Variants in CDH18 observed in about 807,000 individuals in gnomAD.
The protein encoded by CDH18 is cadherin-18.
Under a neutral mutation model 67.9 loss-of-function variants are expected in CDH18, and 31 were observed. That is an observed-to-expected ratio of 0.46 (90% confidence interval 0.34 to 0.62). The LOEUF (loss-of-function observed/expected upper bound fraction) is 0.62, where lower values mean the gene tolerates loss of function less well. Ranked by LOEUF, CDH18 falls within the 20% of genes least tolerant of loss-of-function variation. CDH18 has a pLI of 0.01. For missense variants in CDH18, 890 were observed against 975.5 expected, an observed-to-expected ratio of 0.91 and a Z score of 1.17; for synonymous variants, 362 against 347.2, an observed-to-expected ratio of 1.04 and a Z score of -0.48.
chr5:20,553,765 T>C (rs1757765510), intron 1 of CDH18, among the ~76,000 whole-genome samples: 1 of 152,130 alleles, frequency 6.6e-6, no homozygotes, highest in Non-Finnish European at 1.5e-5. Flanking sequence ...ACACTTGAAA[T>C]GAAAAAATTA....
intron 1 of CDH18, among the ~76,000 whole-genome samples, chr5:20,412,710 C>A (rs1383476466): frequency 6.6e-6 from 1 of 152,138 alleles, no homozygotes; most frequent in African/African-American, 2.4e-5. Flanking sequence ...AAGACGTACA[C>A]ACCAACAAAC....
chr5:19,764,395 C>A (rs544653798), intron 3 of CDH18, among the ~76,000 whole-genome samples: 1 of 151,434 alleles, frequency 6.6e-6, no homozygotes, highest in Admixed American at 6.6e-5. Context: ...TGTCAAAATA[C>A]GATATAATGT....
At chr5:20,273,635 C>A (rs1303632210) in intron 1 of CDH18, among the ~76,000 whole-genome samples, 1 of 151,758 alleles carries the variant, frequency 6.6e-6, no homozygotes, top group Non-Finnish European at 1.5e-5. Context: ...ACAAAAAATT[C>A]AAACTAAAAA....
intron 2 of CDH18, among the ~76,000 whole-genome samples, chr5:20,212,607 G>A (rs371200571): frequency 2.0e-5 from 3 of 151,906 alleles, no homozygotes; most frequent in Admixed American, 6.6e-5. Context: ...CCAGAAGAGC[G>A]TGGGGGCCAA....
chr5:19,684,133 A>G (rs919581272), intron 5 of CDH18, among the ~76,000 whole-genome samples: 1 of 152,074 alleles, frequency 6.6e-6, no homozygotes, highest in African/African-American at 2.4e-5. Flanking sequence ...TTTCCCATCC[A>G]GCTGAGAAAT....
At chr5:20,319,668 T>C (rs1031196371) in intron 1 of CDH18, among the ~76,000 whole-genome samples, 1 of 152,166 alleles carries the variant, frequency 6.6e-6, no homozygotes, top group Non-Finnish European at 1.5e-5. Flanking sequence ...AAATTTGAGG[T>C]ACATGTAGCT....
At chr5:20,178,641 C>T (rs1180890812) in intron 2 of CDH18, among the ~76,000 whole-genome samples, 1 of 150,866 alleles carries the variant, frequency 6.6e-6, no homozygotes, top group Non-Finnish European at 1.5e-5. Flanking sequence ...TCTCACACAC[C>T]AGGTGGCAAA....
chr5:19,530,897 C>T (rs963180127), intron 9 of CDH18, among the ~76,000 whole-genome samples: 11 of 152,164 alleles, frequency 7.2e-5, no homozygotes, highest in Middle Eastern at 3.2e-3. Context: ...TATACCCTTG[C>T]GCTTCTCGAG....
intron 12 of CDH18, among the ~76,000 whole-genome samples, chr5:19,482,884 T>C (rs1331797220): frequency 2.6e-5 from 4 of 152,158 alleles, no homozygotes; most frequent in Non-Finnish European, 5.9e-5. Context: ...TAAGGCCATA[T>C]GACCCTCACC....
At chr5:19,572,633 T>C (rs1052628520) in intron 7 of CDH18, among the ~76,000 whole-genome samples, 1 of 152,150 alleles carries the variant, frequency 6.6e-6, no homozygotes, top group African/African-American at 2.4e-5. Context: ...ACTTGCTGTA[T>C]CCTCACACAA....
intron 1 of CDH18, among the ~76,000 whole-genome samples, chr5:20,291,985 T>C (rs1428870368): frequency 1.3e-5 from 2 of 152,150 alleles, no homozygotes; most frequent in Non-Finnish European, 2.9e-5. Context: ...CTCTCCTCTG[T>C]CATGTCATCA....
At position 19,900,843 on chromosome 5, in the gene CDH18, T is replaced by A. The variant is rs187920289; in HGVS notation, c.-256-61601A>T. On this transcript the variant is annotated intron_variant, in intron 2 of 12. Coordinates refer to ENST00000382275, the MANE Select transcript of CDH18 (RefSeq NM_004934.5). ...TAAGCTATTATGTTTTCAGTGGAAA[T>A]CTGCCTTTTTATCCTCTTTGAATAA... 2.8e-3 allele frequency among the ~76,000 whole-genome samples: 429 copies of A among 152,290 alleles called. 2 individuals carry two copies. The highest frequency in any genetic ancestry group is 1.0e-2 in the African/African-American group (414 of 41,572).
intron 7 of CDH18, among the ~76,000 whole-genome samples, chr5:19,577,252 C>T (rs1474387408): frequency 6.6e-6 from 1 of 152,108 alleles, no homozygotes; most frequent in Non-Finnish European, 1.5e-5. Flanking sequence ...TAAATGTTCT[C>T]ACCACATGTA....
intron 2 of CDH18, among the ~76,000 whole-genome samples, chr5:20,214,755 C>A (rs1018717253): frequency 6.6e-6 from 1 of 151,968 alleles, no homozygotes; most frequent in Non-Finnish European, 1.5e-5. Flanking sequence ...ACAACTTAGG[C>A]AATATGATTC....
chr5:19,691,827 T>C (rs1761929350), intron 5 of CDH18, among the ~76,000 whole-genome samples: 1 of 151,904 alleles, frequency 6.6e-6, no homozygotes, highest in Admixed American at 6.6e-5. Flanking sequence ...TTGAATGCAA[T>C]TCCTATCAAA....
At chr5:20,122,328 T>C (rs2126421916) in intron 2 of CDH18, among the ~76,000 whole-genome samples, 1 of 152,298 alleles carries the variant, frequency 6.6e-6, no homozygotes, top group Admixed American at 6.5e-5. Flanking sequence ...TTCTCTATGT[T>C]TTTTGTAAAG....
chr5:19,995,752 G>C (rs985424530), intron 2 of CDH18, among the ~76,000 whole-genome samples: 1 of 151,982 alleles, frequency 6.6e-6, no homozygotes, highest in African/African-American at 2.4e-5. Context: ...TGCTTCCTGT[G>C]CTTCCCTTAT....
chr5:19,550,502 G>C (rs1737222576), intron 8 of CDH18, among the ~76,000 whole-genome samples: 1 of 151,130 alleles, frequency 6.6e-6, no homozygotes, highest in Non-Finnish European at 1.5e-5. Context: ...CTATGAGTAA[G>C]AACATGCGGT....
At chr5:20,116,215 C>T (rs1747895902) in intron 2 of CDH18, among the ~76,000 whole-genome samples, 1 of 152,006 alleles carries the variant, frequency 6.6e-6, no homozygotes, top group South Asian at 2.1e-4. Flanking sequence ...GTACACTTTG[C>T]TCTGGCAAGT....
Sources: gnomAD v4.1 joint callset for allele counts (sites outside exome capture counted in the v4.1 genomes callset) on GRCh38, gnomAD v4.1.1 for gene constraint, MANE v1.5 for transcripts, NCBI Gene and HGNC (gene_info 2026-07-23, HGNC 2026-07-21) for gene names.